Variants in SLC16A12 observed in about 807,000 individuals in gnomAD.
SLC16A12 encodes monocarboxylate transporter 12.
A neutral mutation model predicts 42.4 loss-of-function variants in SLC16A12; 17 were observed. The observed-to-expected ratio is 0.40, with a 90% CI of 0.27 to 0.60. The LOEUF (loss-of-function observed/expected upper bound fraction) is 0.60, where lower values mean the gene tolerates loss of function less well. SLC16A12 is among the 20% of genes least tolerant of loss of function. SLC16A12 has a pLI of 0.42. For synonymous variants in SLC16A12, 224 were observed against 229.4 expected, an observed-to-expected ratio of 0.98 and a Z score of 0.21; for missense variants, 544 against 623.0, an observed-to-expected ratio of 0.87 and a Z score of 1.35.
At chr10:89,487,964 G>GTGTA (rs1248310697) in intron 2 of SLC16A12, among the ~76,000 whole-genome samples, 40 of 126,696 alleles carry the variant, frequency 3.2e-4, no homozygotes, top group East Asian at 1.6e-3. Context: ...TGGTGTGTGT[G>GTGTA]TATATATATA....
chr10:89,482,841 A>C (rs1295008799), intron 2 of SLC16A12, among the ~76,000 whole-genome samples: 1 of 152,080 alleles, frequency 6.6e-6, no homozygotes. Context: ...AAAACCCACA[A>C]AATTTAGCAG....
At chr10:89,548,978 C>T (rs891416266) in intron 2 of SLC16A12, among the ~76,000 whole-genome samples, 4 of 152,132 alleles carry the variant, frequency 2.6e-5, no homozygotes, top group African/African-American at 9.7e-5. Context: ...AGGACCTGCT[C>T]GCAGCAGGAT....
At position 89,465,278 on chromosome 10, in the gene SLC16A12, T is replaced by A. The variant is rs576191381; in HGVS notation, c.-46-2654A>T. Among the ~76,000 whole-genome samples the A allele has an allele frequency of 1.2e-3, 185 of 152,362 alleles. 1 individual carries two copies. The highest frequency in any genetic ancestry group is 1.8e-3 in the Non-Finnish European group (120 of 68,036). The stretch of plus-strand genomic sequence containing the variant: ...AACCAATGCCCTGCACTGCTTCTAC[T>A]ACATTTCCTTATTCCTTGGTATAAA... On this transcript the variant is annotated intron_variant, in intron 2 of 7. Coordinates refer to ENST00000371790, the MANE Select transcript of SLC16A12 (RefSeq NM_213606.4).
At chr10:89,535,083 G>A (rs1285299715) in intron 1 of SLC16A12, among the ~76,000 whole-genome samples, 3 of 151,982 alleles carry the variant, frequency 2.0e-5, no homozygotes, top group South Asian at 2.1e-4. Flanking sequence ...GGTGGGGGAC[G>A]GGGAGAGATT....
chr10:89,451,688 A>G (rs763997437), intron 3 of SLC16A12, among the ~76,000 whole-genome samples: 14 of 152,138 alleles, frequency 9.2e-5, no homozygotes, highest in Non-Finnish European at 1.6e-4. Flanking sequence ...CTGGGATTAC[A>G]AGCTTAATAA....
chr10:89,499,683 C>T (rs892784822), intron 2 of SLC16A12, among the ~76,000 whole-genome samples: 2 of 152,056 alleles, frequency 1.3e-5, no homozygotes, highest in African/African-American at 4.8e-5. Context: ...CCCTAAATGC[C>T]TACATCAAAA....
Position 89,462,399 on chromosome 10 carries a change from G to C in SLC16A12, c.180C>G (p.Ile60Met), listed in dbSNP as rs1392492628. The C allele has an allele frequency of 6.2e-7, 1 of 1,614,054 alleles. No individual in the cohort carries two copies. The highest frequency in any genetic ancestry group is 8.5e-7 in the Non-Finnish European group (1 of 1,179,952). The change falls in exon 3 of 8, where the codon ATC becomes ATG. Residue 60 changes from isoleucine to methionine, a missense_variant. Coordinates refer to ENST00000371790, the MANE Select transcript of SLC16A12 (RefSeq NM_213606.4). Reference protein sequence around the residue: ...MIVAGCFLVTICTRAVTRCIS... With the variant: ...MIVAGCFLVTMCTRAVTRCIS... ...CCTACCTTGTGACTGCCCGTGTGCA[G>C]ATGGTAACAAGGAAACAGCCAGCCA... is the stretch of plus-strand genomic sequence containing the variant.
At chr10:89,518,904 G>C (rs17122902) in intron 2 of SLC16A12, among the ~76,000 whole-genome samples, 9,120 of 151,846 alleles carry the variant, frequency 0.06, 599 homozygotes, top group African/African-American at 0.16. Flanking sequence ...AATTACCTGG[G>C]GAAATGTACA....
At chr10:89,454,633 T>C (rs971119235) in intron 3 of SLC16A12, among the ~76,000 whole-genome samples, 2 of 151,952 alleles carry the variant, frequency 1.3e-5, no homozygotes, top group African/African-American at 4.8e-5. Flanking sequence ...TTTTTTTTAA[T>C]ATCTTTGAGC....
intron 3 of SLC16A12, among the ~76,000 whole-genome samples, chr10:89,461,946 G>T (rs778167476): frequency 1.3e-5 from 2 of 152,200 alleles, no homozygotes; most frequent in African/African-American, 4.8e-5. Flanking sequence ...GATGAAGAGT[G>T]AAAAGAAATA....
At chr10:89,482,201 A>G (rs1842674800) in intron 2 of SLC16A12, among the ~76,000 whole-genome samples, 1 of 149,304 alleles carries the variant, frequency 6.7e-6, no homozygotes, top group African/African-American at 2.5e-5. Context: ...GTACAAATTC[A>G]GTTTACTTTG....
chr10:89,460,331 T>C lies in SLC16A12; in HGVS notation c.200+2048A>G, dbSNP rs552042014. Among the ~76,000 whole-genome samples, 156 of 152,142 alleles carry C rather than the reference T, an allele frequency of 1.0e-3. 2 individuals carry two copies. Among genetic ancestry groups the C allele is most frequent in the African/African-American group, 3.6e-3 (150 of 41,512 alleles). ...AGACTCATATTATAGACTCATAATC[T>C]AGACTTCTTAATGTCCAGGGAGCTG... On this transcript the variant is annotated intron_variant, in intron 3 of 7. Coordinates refer to ENST00000371790, the MANE Select transcript of SLC16A12 (RefSeq NM_213606.4).
intron 2 of SLC16A12, among the ~76,000 whole-genome samples, chr10:89,465,935 C>T (rs957883992): frequency 6.6e-6 from 1 of 152,124 alleles, no homozygotes; most frequent in African/African-American, 2.4e-5. Context: ...AGAAACAAGC[C>T]CCTCTTCTTC....
At chr10:89,539,885 C>CTTTCTTTA (rs1843702513), upstream of SLC16A12, among the ~76,000 whole-genome samples, 1 of 144,362 alleles carries the variant, frequency 6.9e-6, no homozygotes, top group Non-Finnish European at 1.5e-5. Flanking sequence ...TTCTTTCTTT[C>CTTTCTTTA]TTTCTTTCTT....
At position 89,433,298 on chromosome 10, in the gene SLC16A12, GT is replaced by G; in HGVS notation, c.1316del (p.Tyr439SerfsTer12). On this transcript the variant is annotated frameshift_variant, in exon 8 of 8. Coordinates refer to ENST00000371790, the MANE Select transcript of SLC16A12 (RefSeq NM_213606.4). LOFTEE classifies it high-confidence loss of function. ...AGRLVDTTGS[Y>X]TAAFLLCGFS... ...ATCCACAGAGGAGGAATGCTGCAGT[GT>G]AGCTGCCGGTGGTATCTACCAGCCG... 1 of 1,614,104 alleles carries G rather than the reference GT, an allele frequency of 6.2e-7. No homozygotes were observed. Among genetic ancestry groups the G allele is most frequent in the Non-Finnish European group, 8.5e-7 (1 of 1,180,026 alleles).
intron 2 of SLC16A12, among the ~76,000 whole-genome samples, chr10:89,503,643 T>C (rs2133825653): frequency 6.6e-6 from 1 of 152,206 alleles, no homozygotes; most frequent in South Asian, 2.1e-4. Context: ...GAAAAGACCA[T>C]GGGGCCAGGT....
At chr10:89,487,207 T>C (rs1026683780) in intron 2 of SLC16A12, among the ~76,000 whole-genome samples, 1 of 152,160 alleles carries the variant, frequency 6.6e-6, no homozygotes, top group Admixed American at 6.5e-5. Context: ...AACTCATTAA[T>C]TGGGTGTTTA....
At chr10:89,466,894 C>T (rs1211299958) in intron 2 of SLC16A12, among the ~76,000 whole-genome samples, 3 of 152,216 alleles carry the variant, frequency 2.0e-5, no homozygotes, top group Non-Finnish European at 4.4e-5. Context: ...GCTTCTTAAA[C>T]AGCCACGTGA....
intron 2 of SLC16A12, among the ~76,000 whole-genome samples, chr10:89,467,046 T>G (rs1842413083): frequency 6.6e-6 from 1 of 152,182 alleles, no homozygotes; most frequent in Non-Finnish European, 1.5e-5. Flanking sequence ...AACTGCCAAG[T>G]GTTATGATGT....
Sources: allele counts gnomAD v4.1 joint callset (sites outside exome capture counted in the v4.1 genomes callset), GRCh38; gene constraint gnomAD v4.1.1; transcripts MANE v1.5; gene names NCBI Gene and HGNC (gene_info 2026-07-23, HGNC 2026-07-21).